Variants in FOXJ3 observed in about 807,000 individuals in gnomAD.
FOXJ3 encodes forkhead box protein J3.
A neutral mutation model predicts 76.1 loss-of-function variants in FOXJ3; 22 were observed. That is an observed-to-expected ratio of 0.29 (90% CI 0.21 to 0.41). The LOEUF is 0.41. FOXJ3 is among the 10% of genes least tolerant of loss of function. The probability of loss-of-function intolerance (pLI) is 1.00; values close to 1 mark genes in which losing one functional copy is unlikely to be tolerated. For missense variants in FOXJ3, 613 were observed against 762.1 expected (o/e 0.80, Z 2.30); for synonymous variants, 269 against 261.2 (o/e 1.03, Z -0.29).
At chr1:42,278,806 T>A (rs1570139973) in intron 2 of FOXJ3, 134 bp from the exon 3 acceptor site, 1 of 640,044 alleles carries the variant, frequency 1.6e-6, no homozygotes, top group Non-Finnish European at 2.7e-6. Flanking sequence ...AGATTGAGTA[T>A]GTTAATGAGC....
At chr1:42,326,262 C>G (rs115092773) in intron 1 of FOXJ3, among the ~76,000 whole-genome samples, 1 of 151,984 alleles carries the variant, frequency 6.6e-6, no homozygotes, top group South Asian at 2.1e-4. Context: ...AAAAAAAGTC[C>G]GAAGATCCAC....
At chr1:42,313,611 A>C (rs746387452) in intron 1 of FOXJ3, among the ~76,000 whole-genome samples, 23 of 152,188 alleles carry the variant, frequency 1.5e-4, no homozygotes, top group Admixed American at 2.6e-4. Flanking sequence ...CAGATATAGA[A>C]GTTACTAGAC....
At chr1:42,242,918 A>G (rs1361179643) in intron 4 of FOXJ3, among the ~76,000 whole-genome samples, 1 of 150,870 alleles carries the variant, frequency 6.6e-6, no homozygotes, top group Non-Finnish European at 1.5e-5. Flanking sequence ...GGCAAAAGTC[A>G]AACACAAAGT....
intron 1 of FOXJ3, among the ~76,000 whole-genome samples, chr1:42,318,958 C>T (rs1655276634): frequency 6.6e-6 from 1 of 152,156 alleles, no homozygotes; most frequent in African/African-American, 2.4e-5. Flanking sequence ...AGGCCACGTG[C>T]AGTAGCTCAC....
At chr1:42,244,565 AG>A (rs1322261151) in intron 4 of FOXJ3, among the ~76,000 whole-genome samples, 2 of 152,198 alleles carry the variant, frequency 1.3e-5, no homozygotes, top group Non-Finnish European at 2.9e-5. Context: ...ACTAAACAAA[AG>A]AGGTTTAAAA....
intron 1 of FOXJ3, among the ~76,000 whole-genome samples, chr1:42,325,019 A>C (rs1309416431): frequency 1.3e-5 from 2 of 152,156 alleles, no homozygotes; most frequent in African/African-American, 4.8e-5. Flanking sequence ...CACTGTATAT[A>C]TATGCCCCAC....
rs72637930 is a variant in FOXJ3, at chr1:42,279,983, G to C, written c.45-1311C>G. Among the ~76,000 whole-genome samples the C allele has an allele frequency of 1.2e-3, 179 of 152,180 alleles. 4 individuals carry two copies. In the East Asian group the frequency reaches 0.033, roughly 28 times the overall value. ...AACAGAGAATAATAAAGAACAGGGA[G>C]TTTGGGGTAAGGAAGACCCAGAGTC... On this transcript the variant is annotated intron_variant, in intron 2 of 12. Transcript: ENST00000361346.
chr1:42,280,192 C>T (rs1363409259), intron 2 of FOXJ3: 1 of 358,728 alleles, frequency 2.8e-6, no homozygotes, highest in African/African-American at 2.2e-5. Context: ...TAATATTAGT[C>T]TAGGAGTATC....
chr1:42,307,690 C>T (rs750673884), intron 2 of FOXJ3, among the ~76,000 whole-genome samples: 1 of 152,110 alleles, frequency 6.6e-6, no homozygotes, highest in Non-Finnish European at 1.5e-5. Flanking sequence ...AATGTCAGAG[C>T]AATTTGGTTA....
At chr1:42,206,627 A>G in intron 5 of FOXJ3, among the ~76,000 whole-genome samples, 1 of 152,312 alleles carries the variant, frequency 6.6e-6, no homozygotes, top group African/African-American at 2.4e-5. Flanking sequence ...TACATATTAG[A>G]TGTACATATT....
At chr1:42,258,715 C>T (rs1411591133) in intron 4 of FOXJ3, among the ~76,000 whole-genome samples, 1 of 151,896 alleles carries the variant, frequency 6.6e-6, no homozygotes, top group African/African-American at 2.4e-5. Flanking sequence ...TAAACAATTC[C>T]CCTAAATGTT....
chr1:42,235,148 C>G (rs969305019), intron 4 of FOXJ3, among the ~76,000 whole-genome samples: 3 of 152,222 alleles, frequency 2.0e-5, no homozygotes, highest in African/African-American at 4.8e-5. Context: ...AGTTTGATCT[C>G]AGACTGCTGT....
chr1:42,240,232 T>C (rs1649026789), intron 4 of FOXJ3, among the ~76,000 whole-genome samples: 1 of 152,192 alleles, frequency 6.6e-6, no homozygotes, highest in African/African-American at 2.4e-5. Flanking sequence ...ATCAGCTTTT[T>C]AAAGACATCA....
chr1:42,184,998 G>T (rs185067183), intron 11 of FOXJ3, among the ~76,000 whole-genome samples: 3 of 152,080 alleles, frequency 2.0e-5, no homozygotes, highest in Admixed American at 1.3e-4. Context: ...TCAGTGATCA[G>T]ATTGTGTAGG....
rs116807855 is a variant in FOXJ3 at position 42,313,692 on chromosome 1, C to T, written c.-17-2582G>A. 6.3e-3 allele frequency among the ~76,000 whole-genome samples: 966 copies of T among 152,236 alleles called. 11 individuals are homozygous for T. Among genetic ancestry groups the T allele is most frequent in the African/African-American group, 0.022 (915 of 41,528 alleles). On this transcript the variant is annotated intron_variant, in intron 1 of 12. Coordinates refer to ENST00000361346, the MANE Select transcript of FOXJ3 (RefSeq NM_014947.5). Reference sequence around the variant, plus strand: ...AATGGGGTGTGGCTAAAAAGGCAGCCGTCCCCTTGCCTGTCACGGAACACA... The same window carrying T: ...AATGGGGTGTGGCTAAAAAGGCAGCTGTCCCCTTGCCTGTCACGGAACACA...
At chr1:42,194,020 T>A (rs646682) in intron 8 of FOXJ3, among the ~76,000 whole-genome samples, 45,734 of 152,146 alleles carry the variant, frequency 0.3, 7,639 homozygotes, top group African/African-American at 0.46. Flanking sequence ...CCAGACACCA[T>A]ATCTGCTGGT....
In FOXJ3 at chr1:42,307,818, GTTCTGTCTTTCCAAATT is replaced by G. The variant is rs529113946; in HGVS notation, c.44+3215_44+3231del. Among the ~76,000 whole-genome samples the G allele has an allele frequency of 1.7e-3, 253 of 152,274 alleles. 1 individual carries two copies. The highest frequency in any genetic ancestry group is 5.8e-3 in the African/African-American group (242 of 41,546). On this transcript the variant is annotated intron_variant, in intron 2 of 12. Transcript: ENST00000361346. The stretch of plus-strand genomic sequence containing the variant: ...ATATCTACTGGTATAAAAAAGGCAA[GTTCTGTCTTTCCAAATT>G]TTCTACAATATGTACTACTTTTTAA...
At chr1:42,257,148 A>G (rs1476685166) in intron 4 of FOXJ3, among the ~76,000 whole-genome samples, 1 of 152,260 alleles carries the variant, frequency 6.6e-6, no homozygotes, top group African/African-American at 2.4e-5. Context: ...ATTTATATCA[A>G]CAATTCTAGT....
At chr1:42,210,147 C>A (rs1646938847) in intron 5 of FOXJ3, among the ~76,000 whole-genome samples, 1 of 152,184 alleles carries the variant, frequency 6.6e-6, no homozygotes, top group South Asian at 2.1e-4. Flanking sequence ...ATGCCCCATG[C>A]AGATTATTTT....
Sources: allele counts gnomAD v4.1 joint callset (sites outside exome capture counted in the v4.1 genomes callset), GRCh38; gene constraint gnomAD v4.1.1; transcripts MANE v1.5; gene names NCBI Gene and HGNC (gene_info 2026-07-23, HGNC 2026-07-21).